Variants in RAPGEF4 observed in about 807,000 individuals in gnomAD.
RAPGEF4 encodes Rap guanine nucleotide exchange factor 4, also known as RAP guanine-nucleotide-exchange factor (GEF) 4.
Under a neutral mutation model 147.9 loss-of-function variants are expected in RAPGEF4, and 66 were observed. The observed-to-expected ratio is 0.45, with a 90% confidence interval of 0.37 to 0.55. The LOEUF is 0.55. RAPGEF4 is among the 20% of genes least tolerant of loss of function. RAPGEF4 has a pLI of 0.00. For synonymous variants in RAPGEF4, 419 were observed against 442.7 expected, an observed-to-expected ratio of 0.95 and a Z score of 0.67; for missense variants, 1,071 against 1,257.3, an observed-to-expected ratio of 0.85 and a Z score of 2.24.
At chr2:172,926,037 GGGA>G (rs1685318559) in intron 6 of RAPGEF4, among the ~76,000 whole-genome samples, 1 of 25,928 alleles carries the variant, frequency 3.9e-5, no homozygotes, top group Non-Finnish European at 9.7e-5. Context: ...GAGGGACGGA[GGGA>G]GGGAGGGAGG....
intron 15 of RAPGEF4, among the ~76,000 whole-genome samples, chr2:172,992,028 G>A (rs1692886954): frequency 6.6e-6 from 1 of 152,168 alleles, no homozygotes; most frequent in Non-Finnish European, 1.5e-5. Flanking sequence ...AGCTTGTAAT[G>A]GCAGAGCTTG....
At chr2:172,884,531 C>T (rs993402630) in intron 4 of RAPGEF4, among the ~76,000 whole-genome samples, 6 of 152,346 alleles carry the variant, frequency 3.9e-5, no homozygotes, top group Middle Eastern at 3.4e-3. Context: ...CGTGCTTGAA[C>T]CAGCTGGAGA....
chr2:172,893,070 CG>C (rs1323151058), intron 4 of RAPGEF4, among the ~76,000 whole-genome samples: 1 of 151,838 alleles, frequency 6.6e-6, no homozygotes, highest in African/African-American at 2.4e-5. Flanking sequence ...CCCCTTCTGT[CG>C]GGCACCATGC....
At chr2:172,939,515 T>C (rs1686936042) in intron 6 of RAPGEF4, among the ~76,000 whole-genome samples, 1 of 152,186 alleles carries the variant, frequency 6.6e-6, no homozygotes, top group Non-Finnish European at 1.5e-5. Flanking sequence ...GGAGAATTCT[T>C]TGCATATTTT....
Position 173,027,191 on chromosome 2 carries a change from G to A in RAPGEF4, c.2490G>A (p.Glu830=). 1 of 1,613,604 alleles carries A rather than the reference G, an allele frequency of 6.2e-7. No individual in the cohort carries two copies. The highest frequency in any genetic ancestry group is 8.5e-7 in the Non-Finnish European group (1 of 1,179,890). ...FNEIQFWVVT[E]ICLCSQLSKR... ...AAATTCAGTTTTGGGTCGTCACTGA[G>A]ATCTGCCTTTGTTCTCAGCTCAGCA... is the stretch of plus-strand genomic sequence containing the variant. Residue 830 remains glutamate, a synonymous_variant, in exon 25 of 31, where the codon GAG becomes GAA. Coordinates refer to ENST00000397081, the MANE Select transcript of RAPGEF4 (RefSeq NM_007023.4).
intron 1 of RAPGEF4, among the ~76,000 whole-genome samples, chr2:172,737,544 A>T (rs1261344062): frequency 1.3e-5 from 2 of 152,158 alleles, no homozygotes; most frequent in Non-Finnish European, 2.9e-5. Context: ...AGTCAATAAG[A>T]AGTACTTATG....
At chr2:172,804,759 T>C (rs547603851) in intron 3 of RAPGEF4, among the ~76,000 whole-genome samples, 95 of 152,308 alleles carry the variant, frequency 6.2e-4, no homozygotes, top group African/African-American at 1.9e-3. Flanking sequence ...TGCCCCTGGA[T>C]TGCTGAAGCC....
At chr2:172,872,621 G>A (rs1033741126) in intron 4 of RAPGEF4, among the ~76,000 whole-genome samples, 4 of 151,966 alleles carry the variant, frequency 2.6e-5, no homozygotes, top group African/African-American at 9.7e-5. Flanking sequence ...GAGTTCTCAC[G>A]AGATCTGATG....
At chr2:172,794,746 A>T (rs1686203772) in intron 1 of RAPGEF4, among the ~76,000 whole-genome samples, 1 of 152,192 alleles carries the variant, frequency 6.6e-6, no homozygotes, top group Non-Finnish European at 1.5e-5. Context: ...CTAAGGGATT[A>T]AGTATTATAC....
chr2:172,907,089 C>T (rs2149989195), intron 4 of RAPGEF4, among the ~76,000 whole-genome samples: 1 of 152,356 alleles, frequency 6.6e-6, no homozygotes, highest in Middle Eastern at 3.4e-3. Flanking sequence ...GGTGGTTGCT[C>T]TGCCAGCCTT....
chr2:172,990,062 T>TTATATTAATATATTAAA (rs1247501878), intron 14 of RAPGEF4, among the ~76,000 whole-genome samples: 1 of 151,460 alleles, frequency 6.6e-6, no homozygotes, highest in Non-Finnish European at 1.5e-5. Context: ...ATGTATACCC[T>TTATATTAATATATTAAA]TGAATGATAT....
intron 3 of RAPGEF4, among the ~76,000 whole-genome samples, chr2:172,805,626 A>G (rs1279286475): frequency 6.6e-6 from 1 of 152,144 alleles, no homozygotes; most frequent in Non-Finnish European, 1.5e-5. Flanking sequence ...CCTGGCTGAC[A>G]TGTTCACGTA....
At chr2:172,981,630 A>C (rs1033234058) in intron 10 of RAPGEF4, among the ~76,000 whole-genome samples, 1 of 152,208 alleles carries the variant, frequency 6.6e-6, no homozygotes, top group Non-Finnish European at 1.5e-5. Flanking sequence ...AGGATTAGGA[A>C]GATAGCCCCT....
intron 4 of RAPGEF4, among the ~76,000 whole-genome samples, chr2:172,866,665 A>C (rs1260653939): frequency 6.6e-6 from 1 of 151,944 alleles, no homozygotes; most frequent in East Asian, 1.9e-4. Context: ...CTCAACTTGG[A>C]TTTTAACCCC....
At chr2:172,997,971 G>T (rs185916493) in intron 16 of RAPGEF4, among the ~76,000 whole-genome samples, 2 of 152,054 alleles carry the variant, frequency 1.3e-5, no homozygotes, top group African/African-American at 4.8e-5. Flanking sequence ...AGATATAATC[G>T]TCAGGATCAC....
At chr2:173,018,828 G>A in intron 22 of RAPGEF4, 26 bp downstream of exon 22, 1 of 1,606,458 alleles carries the variant, frequency 6.2e-7, no homozygotes. Flanking sequence ...CATATTTTAG[G>A]CTCTGCAAAA....
At chr2:172,861,713 C>G (rs1694069351) in intron 4 of RAPGEF4, among the ~76,000 whole-genome samples, 1 of 152,214 alleles carries the variant, frequency 6.6e-6, no homozygotes, top group African/African-American at 2.4e-5. Flanking sequence ...TCTATAAATA[C>G]ACATGAGCAT....
At chr2:172,988,611 C>A in intron 13 of RAPGEF4, 82 bp from the exon 14 acceptor site, 2 of 1,450,796 alleles carry the variant, frequency 1.4e-6, no homozygotes, top group Non-Finnish European at 1.9e-6. Flanking sequence ...GTTTTAGGGG[C>A]TTGGGGGTCT....
Position 172,992,170 on chromosome 2 carries a change from G to A in RAPGEF4, c.1490+1245G>A, listed in dbSNP as rs577548074. On this transcript the variant is annotated intron_variant, in intron 15 of 30. Transcript: ENST00000397081. ...TAAATATTGCAAACCACTCCATATCGAAAGAACTGACATCAAAAGGACTAT... is the reference window on the plus strand; with the variant it reads ...TAAATATTGCAAACCACTCCATATCAAAAGAACTGACATCAAAAGGACTAT... 7.9e-5 allele frequency among the ~76,000 whole-genome samples: 12 copies of A among 152,172 alleles called. No individual in the cohort carries two copies. In the South Asian group the frequency reaches 1.2e-3, roughly 16 times the overall value.
Sources: gnomAD v4.1 joint callset for allele counts (sites outside exome capture counted in the v4.1 genomes callset) on GRCh38, gnomAD v4.1.1 for gene constraint, MANE v1.5 for transcripts, NCBI Gene and HGNC (gene_info 2026-07-23, HGNC 2026-07-21) for gene names.